ENKD1: variants seen among roughly 807,000 people sequenced by gnomAD.
ENKD1 encodes the protein enkurin domain containing 1.
ENKD1 carries 39 observed loss-of-function variants against 35.8 expected under a neutral mutation model. The ratio of observed to expected loss-of-function variants is 1.09; its 90% CI spans 0.84 to 1.42. ENKD1 has a LOEUF of 1.42. Among genes scored for constraint, ENKD1 ranks in the 40% most tolerant of loss-of-function variants. ENKD1 has a pLI of 0.00. For missense variants in ENKD1, 474 were observed against 471.3 expected (o/e 1.01, Z -0.05); for synonymous variants, 205 against 198.6 (o/e 1.03, Z -0.27).
intron 4 of ENKD1, 39 bp downstream of exon 4, chr16:67,663,898 C>A (rs1168789193): frequency 6.2e-7 from 1 of 1,605,394 alleles, no homozygotes; most frequent in African/African-American, 1.3e-5. Flanking sequence ...CACCAGGAGC[C>A]CTGCCCAACC....
Position 67,666,391 on chromosome 16 carries a change from G to A in ENKD1, c.52C>T (p.Leu18Phe). The A allele has an allele frequency of 1.3e-6, 2 of 1,572,804 alleles. No individual in the cohort carries two copies. The highest frequency in any genetic ancestry group is 8.6e-7 in the Non-Finnish European group (1 of 1,166,508). The change falls in exon 1 of 7, where the codon CTC (leucine) becomes TTC (phenylalanine). Residue 18 changes from leucine to phenylalanine, a missense_variant. Leu to Phe is a conservative substitution (Grantham distance 22). Transcript: ENST00000243878. ...GGCCGCCTGTAGTTGTCAGGACAGA[G>A]CGTCGGGTCTGGGGGGATGGGCCCC... ...ISGPIPPDPT[L>F]CPDNYRRPTS...
rs1007705936 is a variant in ENKD1, at chr16:67,663,009, C to T, written c.*152G>A. On this transcript the variant is annotated 3_prime_UTR_variant, in exon 7 of 7. Transcript: ENST00000243878. ...AAGGCTAGGGTGGCCCTTCTGCAGC[C>T]ACTGGTGACTGGGAAGAGTGCTCTA... 2.2e-5 allele frequency: 19 copies of T among 852,312 alleles called. No homozygotes were observed. The highest frequency in any genetic ancestry group is 3.0e-5 in the Non-Finnish European group (17 of 565,844). 52.8% of individuals were successfully genotyped at this position (852,312 alleles called of 1,614,324 possible). A position where few individuals can be genotyped will look rare whatever the true frequency, so the allele number is the denominator to read the frequency against.
rs1046705392 is a variant in ENKD1 at position 67,666,520 on chromosome 16, C to T, written c.-78G>A. 1.1e-4 allele frequency: 141 copies of T among 1,286,020 alleles called. No individual in the cohort carries two copies. Among genetic ancestry groups the T allele is most frequent in the Non-Finnish European group, 1.4e-4 (136 of 987,592 alleles). 79.7% of individuals were successfully genotyped at this position (1,286,020 alleles called of 1,614,324 possible). ...TCCCTCCCCGGGCCCCCTTCCCCAA[C>T]CCCGGGCCCCCTCCCTCGCCCGGCA... is the stretch of plus-strand genomic sequence containing the variant. On this transcript the variant is annotated 5_prime_UTR_variant, in exon 1 of 7. Coordinates refer to ENST00000243878, the MANE Select transcript of ENKD1 (RefSeq NM_032140.3).
Position 67,663,296 on chromosome 16 carries a change from C to A in ENKD1, c.906G>T (p.Leu302=). The change falls in exon 7 of 7, where the codon CTG becomes CTT. Residue 302 remains leucine, a synonymous_variant. Coordinates refer to ENST00000243878, the MANE Select transcript of ENKD1 (RefSeq NM_032140.3). The part of the protein sequence containing the change: ...LQSQSQLLRE[L]VLLPAGADSL... ...AGTCTGCCCCAGCAGGCAGCAGTAC[C>A]AGCTCACGCAGCAGCTGGCTCTGGC... 1 of 1,613,690 alleles carries A rather than the reference C, an allele frequency of 6.2e-7. No individual in the cohort carries two copies. The highest frequency in any genetic ancestry group is 1.1e-5 in the South Asian group (1 of 91,088).
At position 67,666,371 on chromosome 16, in the gene ENKD1, C is replaced by T. The variant is rs746412761; in HGVS notation, c.72G>A (p.Arg24=). 1.1e-5 allele frequency: 17 copies of T among 1,577,908 alleles called. No individual in the cohort carries two copies. Among genetic ancestry groups the T allele is most frequent in the Non-Finnish European group, 1.4e-5 (16 of 1,168,540 alleles). Residue 24 remains arginine (R), a synonymous_variant, in exon 1 of 7, where the codon AGG becomes AGA. Transcript: ENST00000243878. ...CCCCGGACTCACCCGAGGTCGGCCG[C>T]CTGTAGTTGTCAGGACAGAGCGTCG... ...PDPTLCPDNY[R]RPTSAQGRLE...
rs542445603 is a variant in ENKD1 at position 67,666,723 on chromosome 16, C to T, written c.-281G>A. ...GAGAGGTTTTGCCGCCAGCCGCTGC[C>T]ACCCGACGGGACTTGTTGTTGCCGG... On this transcript the variant is annotated 5_prime_UTR_variant, in exon 1 of 7. Coordinates refer to ENST00000243878, the MANE Select transcript of ENKD1 (RefSeq NM_032140.3). 1.3e-4 allele frequency: 63 copies of T among 484,338 alleles called. 1 individual carries two copies. In the South Asian group the frequency reaches 2.2e-3, roughly 17 times the overall value. 30.0% of individuals were successfully genotyped at this position (484,338 alleles called of 1,614,324 possible).
Position 67,663,811 on chromosome 16 carries a change from G to A in ENKD1, c.589C>T (p.Leu197=). The stretch of plus-strand genomic sequence containing the variant: ...TTGTGACGAATGAAGTCCACCCCCA[G>A]GCCTGGCTCCTGCAGGACACAGCAA... ...PPGPEAKEPG[L]GVDFIRHNAR... Residue 197 remains leucine (L), a synonymous_variant, in exon 5 of 7, where the codon CTG becomes TTG. Coordinates refer to ENST00000243878, the MANE Select transcript of ENKD1 (RefSeq NM_032140.3). The A allele has an allele frequency of 1.2e-6, 2 of 1,605,978 alleles. No individual in the cohort carries two copies. The highest frequency in any genetic ancestry group is 1.7e-6 in the Non-Finnish European group (2 of 1,175,828).
intron 2 of ENKD1, 66 bp from the exon 3 acceptor site, chr16:67,665,234 C>G: frequency 5.9e-6 from 9 of 1,535,052 alleles, no homozygotes; most frequent in Non-Finnish European, 7.9e-6. Flanking sequence ...TCCACTAGTT[C>G]ACACACAGGC....
At chr16:67,664,755 G>T (rs926613401) in intron 3 of ENKD1, among the ~76,000 whole-genome samples, 3 of 152,152 alleles carry the variant, frequency 2.0e-5, no homozygotes, top group Admixed American at 2.0e-4. Context: ...GGTCTGTGAG[G>T]TTCCATCTTT....
At chr16:67,665,302 A>G (rs1329023943) in intron 2 of ENKD1, 134 bp from the exon 3 acceptor site, 40 of 816,348 alleles carry the variant, frequency 4.9e-5, no homozygotes, top group Non-Finnish European at 7.4e-5. Flanking sequence ...CTTAGACCCT[A>G]CACACACTCT....
At position 67,663,705 on chromosome 16, in the gene ENKD1, T is replaced by C. The variant is rs770618888; in HGVS notation, c.695A>G (p.Gln232Arg). The C allele has an allele frequency of 1.2e-6, 2 of 1,613,240 alleles. No homozygotes were observed. Among genetic ancestry groups the C allele is most frequent in the Admixed American group, 1.7e-5 (1 of 59,954 alleles). Residue 232 changes from glutamine (Q) to arginine (R), a missense_variant, in exon 5 of 7, where the codon CAG becomes CGG. By Grantham distance (43) the Gln-to-Arg change is conservative (BLOSUM62 1). Coordinates refer to ENST00000243878, the MANE Select transcript of ENKD1 (RefSeq NM_032140.3). ...CGTGGCATTGTAGTGCTCCTGGGCC[T>C]GCCGCTGCTGCTCTAGCACTTGTGC... Reference protein sequence around the residue: ...VLAQVLEQQRQAQEHYNATQK... With the variant: ...VLAQVLEQQRRAQEHYNATQK...
chr16:67,666,654 C>T lies in ENKD1; in HGVS notation c.-212G>A, dbSNP rs920647320. 2.1e-5 allele frequency: 11 copies of T among 512,546 alleles called. No homozygotes were observed. The highest frequency in any genetic ancestry group is 3.3e-5 in the Non-Finnish European group (10 of 299,048). The allele number at this position is 512,546 out of a possible 1,614,324, so 31.7% of individuals were successfully genotyped here. A position where few individuals can be genotyped will look rare whatever the true frequency, so the allele number is the denominator to read the frequency against. On this transcript the variant is annotated 5_prime_UTR_variant, in exon 1 of 7. Transcript: ENST00000243878. ...CTGCTCCCAGCCCACTTCTCGGTCC[C>T]GCTCGCGGCCTCTCCCCCGCGGCAC... is the stretch of plus-strand genomic sequence containing the variant.
In ENKD1 at chr16:67,666,564, C is replaced by T; in HGVS notation, c.-122G>A. Reference sequence around the variant, plus strand: ...CCCGGCACCCTGACCCTGGCGTGCCCGCCACTCCCGGGCCCCTGCCGGTCC... The same window carrying T: ...CCCGGCACCCTGACCCTGGCGTGCCTGCCACTCCCGGGCCCCTGCCGGTCC... On this transcript the variant is annotated 5_prime_UTR_variant, in exon 1 of 7. Coordinates refer to ENST00000243878, the MANE Select transcript of ENKD1 (RefSeq NM_032140.3). 1.1e-6 allele frequency: 1 copy of T among 950,128 alleles called. No individual in the cohort carries two copies. The highest frequency in any genetic ancestry group is 1.5e-6 in the Non-Finnish European group (1 of 688,124). The allele number at this position is 950,128 out of a possible 1,614,324, so 58.9% of individuals were successfully genotyped here.
Position 67,665,030 on chromosome 16 carries a change from T to C in ENKD1, c.419A>G (p.Asp140Gly), listed in dbSNP as rs1358120399. 6.2e-7 allele frequency: 1 copy of C among 1,611,450 alleles called. No homozygotes were observed. Among genetic ancestry groups the C allele is most frequent in the Admixed American group, 1.7e-5 (1 of 59,402 alleles). The change falls in exon 3 of 7, where the codon GAC (aspartate) becomes GGC (glycine). Residue 140 changes from aspartate to glycine, a missense_variant. Asp to Gly is a moderately conservative substitution (Grantham distance 94, BLOSUM62 -1). Transcript: ENST00000243878. Reference sequence around the variant, plus strand: ...GGCCTTGACCCGGGACTCCACCTTGTCGTACTTGGGTGAGCGCCACAGAGC... The same window carrying C: ...GGCCTTGACCCGGGACTCCACCTTGCCGTACTTGGGTGAGCGCCACAGAGC... ...LKALWRSPKY[D>G]KVESRVKAQL... is the part of the protein sequence containing the mutation.
rs1281155059 is a variant in ENKD1 at position 67,666,484 on chromosome 16, G to C, written c.-42C>G. ...AGCAACGGTGCCCCGAGGCCTGCAG[G>C]GCTGTTTACCTCCCTCCCCGGGCCC... On this transcript the variant is annotated 5_prime_UTR_variant, in exon 1 of 7. Transcript: ENST00000243878. 5 of 1,433,018 alleles carry C rather than the reference G, an allele frequency of 3.5e-6. No individual in the cohort carries two copies. The South Asian group carries it at 5.7e-5, about 16-fold the overall frequency. The allele number at this position is 1,433,018 out of a possible 1,614,324, so 88.8% of individuals were successfully genotyped here.
chr16:67,664,958 C>A, intron 3 of ENKD1, 38 bp downstream of exon 3: 1 of 1,560,548 alleles, frequency 6.4e-7, no homozygotes, highest in Non-Finnish European at 8.7e-7. Context: ...TGTTGGCCAA[C>A]AAAATGGATA....
At position 67,662,946 on chromosome 16, in the gene ENKD1, C is replaced by G. The variant is rs2053050470; in HGVS notation, c.*215G>C. 3.1e-6 allele frequency: 2 copies of G among 650,342 alleles called. No homozygotes were observed. The highest frequency in any genetic ancestry group is 5.6e-5 in the East Asian group (2 of 35,874). 40.3% of individuals were successfully genotyped at this position (650,342 alleles called of 1,614,324 possible). Reference sequence around the variant, plus strand: ...AAGAAAAGCTCTTATGGAAACAAATCCTGTGTACAAAATGTTTAATTTTGA... The same window carrying G: ...AAGAAAAGCTCTTATGGAAACAAATGCTGTGTACAAAATGTTTAATTTTGA... On this transcript the variant is annotated 3_prime_UTR_variant, in exon 7 of 7. Coordinates refer to ENST00000243878, the MANE Select transcript of ENKD1 (RefSeq NM_032140.3). The surrounding 1 kb of genome is among the most constrained non-coding windows in gnomAD (Gnocchi z 6.9).
rs1272481930 is a variant in ENKD1 at position 67,666,672 on chromosome 16, C to G, written c.-230G>C. The G allele has an allele frequency of 1.6e-5, 8 of 505,534 alleles. No individual in the cohort carries two copies. The East Asian group carries it at 2.8e-4, about 18-fold the overall frequency. The allele number at this position is 505,534 out of a possible 1,614,324, so 31.3% of individuals were successfully genotyped here. A position where few individuals can be genotyped will look rare whatever the true frequency, so the allele number is the denominator to read the frequency against. On this transcript the variant is annotated 5_prime_UTR_variant, in exon 1 of 7. Transcript: ENST00000243878. ...TCGGTCCCGCTCGCGGCCTCTCCCCCGCGGCACTCGGGCAGGGGCTCACTC... is the reference window on the plus strand; with the variant it reads ...TCGGTCCCGCTCGCGGCCTCTCCCCGGCGGCACTCGGGCAGGGGCTCACTC...
chr16:67,666,671 C>T lies in ENKD1; in HGVS notation c.-229G>A. On this transcript the variant is annotated 5_prime_UTR_variant, in exon 1 of 7. Coordinates refer to ENST00000243878, the MANE Select transcript of ENKD1 (RefSeq NM_032140.3). ...CTCGGTCCCGCTCGCGGCCTCTCCC[C>T]CGCGGCACTCGGGCAGGGGCTCACT... is the stretch of plus-strand genomic sequence containing the variant. 3 of 506,424 alleles carry T rather than the reference C, an allele frequency of 5.9e-6. No individual in the cohort carries two copies. Among genetic ancestry groups the T allele is most frequent in the South Asian group, 6.4e-5 (2 of 31,446 alleles). 31.4% of individuals were successfully genotyped at this position (506,424 alleles called of 1,614,324 possible).
Sources: gnomAD v4.1 joint callset for allele counts (sites outside exome capture counted in the v4.1 genomes callset) on GRCh38, gnomAD v4.1.1 for gene constraint, Gnocchi (gnomAD v3.1) non-coding constraint, MANE v1.5 for transcripts, NCBI Gene and HGNC (gene_info 2026-07-23, HGNC 2026-07-21) for gene names.